ZHX3: variants seen among roughly 807,000 people sequenced by gnomAD.
ZHX3 encodes zinc fingers and homeoboxes 3, also known as zinc fingers and homeoboxes protein 3.
Under a neutral mutation model 64.5 loss-of-function variants are expected in ZHX3, and 20 were observed. The ratio of observed to expected loss-of-function variants is 0.31; its 90% CI spans 0.22 to 0.45. The LOEUF is 0.45. Ranked by LOEUF, ZHX3 falls within the 20% of genes least tolerant of loss-of-function variation. ZHX3 has a pLI of 1.00. For missense variants in ZHX3, 1,041 were observed against 1,195.8 expected (o/e 0.87, Z 1.91); for synonymous variants, 423 against 461.6 (o/e 0.92, Z 1.07).
At chr20:41,249,025 G>T (rs1178702132) in intron 2 of ZHX3, among the ~76,000 whole-genome samples, 1 of 152,132 alleles carries the variant, frequency 6.6e-6, no homozygotes. Context: ...AATTATTTGT[G>T]CAAAACTATT....
intron 2 of ZHX3, among the ~76,000 whole-genome samples, chr20:41,260,853 A>G (rs2042527253): frequency 6.6e-6 from 1 of 152,224 alleles, no homozygotes; most frequent in African/African-American, 2.4e-5. Context: ...AACTTGCCCA[A>G]GGTTACTCAG....
intron 3 of ZHX3, among the ~76,000 whole-genome samples, chr20:41,188,016 C>T (rs1841876712): frequency 1.3e-5 from 2 of 152,110 alleles, no homozygotes; most frequent in Admixed American, 6.5e-5. Flanking sequence ...GACTTTGTTT[C>T]TTCTATCTAC....
At chr20:41,280,384 T>G (rs2043617252) in intron 1 of ZHX3, among the ~76,000 whole-genome samples, 1 of 152,194 alleles carries the variant, frequency 6.6e-6, no homozygotes, top group Admixed American at 6.5e-5. Context: ...TATTTAAATA[T>G]TCTCCAGATA....
At chr20:41,269,955 C>T (rs1395269610) in intron 1 of ZHX3, among the ~76,000 whole-genome samples, 1 of 151,966 alleles carries the variant, frequency 6.6e-6, no homozygotes, top group African/African-American at 2.4e-5. Context: ...TTAACATACA[C>T]ATATCTAGCT....
At chr20:41,256,937 C>T (rs2042288682) in intron 2 of ZHX3, among the ~76,000 whole-genome samples, 1 of 152,030 alleles carries the variant, frequency 6.6e-6, no homozygotes, top group Admixed American at 6.6e-5. Context: ...CAGCCCCCTC[C>T]CACCTTTTGG....
At position 41,179,200 on chromosome 20, in the gene ZHX3, T is replaced by C. The variant is rs938635619; in HGVS notation, c.*5991A>G. On this transcript the variant is annotated 3_prime_UTR_variant, in exon 4 of 4. Coordinates refer to ENST00000683867, the MANE Select transcript of ZHX3 (RefSeq NM_001384317.1). This position sits in a 1 kb window ranked among gnomAD's most constrained non-coding sequence, Gnocchi z 4.3. ...CGTGTTTTCTCTTTAATAACAATTA[T>C]GGCACAATCTGACCCTCCTAACACT... 6.6e-6 allele frequency: 1 copy of C among 152,186 alleles called. No individual in the cohort carries two copies. Among genetic ancestry groups the C allele is most frequent in the African/African-American group, 2.4e-5 (1 of 41,422 alleles). The allele number at this position is 152,186 out of a possible 1,614,324, so 9.4% of individuals were successfully genotyped here.
chr20:41,197,424 T>A (rs995194836), intron 3 of ZHX3, among the ~76,000 whole-genome samples: 13 of 147,844 alleles, frequency 8.8e-5, no homozygotes, highest in African/African-American at 2.9e-4. Context: ...ATATTTAAAA[T>A]ATATATATTT....
chr20:41,193,692 TTTG>T (rs1170172000), intron 3 of ZHX3, among the ~76,000 whole-genome samples: 279 of 150,274 alleles, frequency 1.9e-3, no homozygotes, highest in Admixed American at 5.6e-3. Context: ...AAGTTTTTTT[TTTG>T]TTGTTGTTGT....
At chr20:41,312,814 C>G (rs553377381) in intron 1 of ZHX3, among the ~76,000 whole-genome samples, 6 of 152,210 alleles carry the variant, frequency 3.9e-5, no homozygotes, top group Middle Eastern at 3.4e-3. Flanking sequence ...AGAGGGAGCA[C>G]GTCAGAGTAA....
chr20:41,222,572 A>T (rs1012512560), intron 2 of ZHX3, among the ~76,000 whole-genome samples: 17 of 152,132 alleles, frequency 1.1e-4, no homozygotes, highest in Admixed American at 1.0e-3. Flanking sequence ...AACTACAGAA[A>T]TGGGGGTTGG....
intron 2 of ZHX3, among the ~76,000 whole-genome samples, chr20:41,241,599 G>T (rs2041383420): frequency 6.6e-6 from 1 of 152,062 alleles, no homozygotes; most frequent in Non-Finnish European, 1.5e-5. Flanking sequence ...CTGTTTCATG[G>T]GTCTATGTGT....
At chr20:41,297,494 CAT>C (rs1184439455) in intron 1 of ZHX3, among the ~76,000 whole-genome samples, 2 of 152,218 alleles carry the variant, frequency 1.3e-5, no homozygotes, top group Non-Finnish European at 2.9e-5. Flanking sequence ...GAAGGGGAAA[CAT>C]AGCAGCCTCG....
At chr20:41,197,798 T>C (rs1458738672) in intron 3 of ZHX3, among the ~76,000 whole-genome samples, 4 of 152,174 alleles carry the variant, frequency 2.6e-5, no homozygotes, top group East Asian at 1.9e-4. Flanking sequence ...CTGTTTTGAT[T>C]CTGTTTTTAC....
At chr20:41,215,754 G>A (rs1484719510) in intron 2 of ZHX3, among the ~76,000 whole-genome samples, 1 of 130,048 alleles carries the variant, frequency 7.7e-6, no homozygotes, top group Non-Finnish European at 1.6e-5. Flanking sequence ...CTAACACGGT[G>A]AAACCACGTC....
In ZHX3 at chr20:41,256,973, C is replaced by CTG. The variant is rs1568905727; in HGVS notation, c.-151+12016_-151+12017insCA. On this transcript the variant is annotated intron_variant, in intron 2 of 3. Coordinates refer to ENST00000683867, the MANE Select transcript of ZHX3 (RefSeq NM_001384317.1). ...AGCCTCCAATGCCTATTACTCCACT[C>CTG]TATATGTCCATCTGTACCCATTGTT... Among the ~76,000 whole-genome samples, 8 of 152,222 alleles carry CTG rather than the reference C, an allele frequency of 5.3e-5. No individual in the cohort carries two copies. In the East Asian group the frequency reaches 1.5e-3, roughly 29 times the overall value.
At position 41,184,553 on chromosome 20, in the gene ZHX3, G is replaced by C. The variant is rs1003986267; in HGVS notation, c.*638C>G. 3.7e-6 allele frequency: 1 copy of C among 269,816 alleles called. No homozygotes were observed. The allele number at this position is 269,816 out of a possible 1,614,324, so 16.7% of individuals were successfully genotyped here. On this transcript the variant is annotated 3_prime_UTR_variant, in exon 4 of 4. Transcript: ENST00000683867. ...GTTACAGCAGGTTCTGCACTGAGTA[G>C]CCCACAAGGCAAAGCAAGCCTGACA...
intron 1 of ZHX3, among the ~76,000 whole-genome samples, chr20:41,315,412 C>G (rs1055093022): frequency 7.4e-6 from 1 of 135,126 alleles, no homozygotes; most frequent in Admixed American, 8.3e-5. Context: ...CCGGGCTGGT[C>G]TCGAACTCCT....
rs2036157891 is a variant in ZHX3, at chr20:41,179,259, G to A, written c.*5932C>T. 6.6e-6 allele frequency: 1 copy of A among 151,966 alleles called. No individual in the cohort carries two copies. 9.4% of individuals were successfully genotyped at this position (151,966 alleles called of 1,614,324 possible). On this transcript the variant is annotated 3_prime_UTR_variant, in exon 4 of 4. Transcript: ENST00000683867. The surrounding 1 kb of genome is among the most constrained non-coding windows in gnomAD (Gnocchi z 4.3). ...AAGCAACTGCTCAGAAGCACAGCGG[G>A]AACCCTCTACACAGGGGTGACTGCT...
At chr20:41,258,281 C>G (rs1349654466) in intron 2 of ZHX3, among the ~76,000 whole-genome samples, 2 of 152,130 alleles carry the variant, frequency 1.3e-5, no homozygotes, top group African/African-American at 4.8e-5. Flanking sequence ...TTCCATATAT[C>G]CTGGCCCCAG....
Sources: gnomAD v4.1 joint callset for allele counts (sites outside exome capture counted in the v4.1 genomes callset) on GRCh38, gnomAD v4.1.1 for gene constraint, Gnocchi (gnomAD v3.1) non-coding constraint, MANE v1.5 for transcripts, NCBI Gene and HGNC (gene_info 2026-07-23, HGNC 2026-07-21) for gene names.